Variants in CRB1 observed in about 807,000 individuals in gnomAD.
The protein encoded by CRB1 is crumbs cell polarity complex component 1.
CRB1 carries 83 observed loss-of-function variants against 120.0 expected under a neutral mutation model. The observed-to-expected ratio is 0.69, with a 90% CI of 0.58 to 0.83. CRB1 has a LOEUF of 0.83. Among genes scored for constraint, CRB1 ranks in the 40% least tolerant of loss-of-function variants. The probability of loss-of-function intolerance (pLI) is 0.00; values close to 1 mark genes in which losing one functional copy is unlikely to be tolerated. For synonymous variants in CRB1, 625 were observed against 612.5 expected, an observed-to-expected ratio of 1.02 and a Z score of -0.30; for missense variants, 1,699 against 1,687.6, an observed-to-expected ratio of 1.01 and a Z score of -0.12.
chr1:197,477,034 C>T (rs1667227177), intron 11 of CRB1, among the ~76,000 whole-genome samples: 1 of 152,210 alleles, frequency 6.6e-6, no homozygotes, highest in South Asian at 2.1e-4. Flanking sequence ...AGGGCTCTAC[C>T]TGCCGTTGTC....
intron 5 of CRB1, among the ~76,000 whole-genome samples, chr1:197,380,999 T>C (rs1332647690): frequency 6.6e-6 from 1 of 152,198 alleles, no homozygotes; most frequent in Non-Finnish European, 1.5e-5. Context: ...CCTCAGCTCT[T>C]CATATGTTTT....
intron 11 of CRB1, among the ~76,000 whole-genome samples, chr1:197,447,853 CAAAA>C (rs397861586): frequency 1.7e-5 from 1 of 60,008 alleles, no homozygotes; most frequent in Non-Finnish European, 3.5e-5. Context: ...GAACCTGTCT[CAAAA>C]AAAAAAAAAA....
chr1:197,215,167 C>T, the CRB1 span, among the ~76,000 whole-genome samples: 1 of 152,100 alleles, frequency 6.6e-6, no homozygotes, highest in African/African-American at 2.4e-5. Context: ...GAATGTACAT[C>T]AGCATAATAA....
the CRB1 span, chr1:197,222,769 T>TC: frequency 8.9e-7 from 1 of 1,128,352 alleles, no homozygotes; most frequent in African/African-American, 1.5e-5. Context: ...CTTTCTGAAC[T>TC]CCAAGTGCTA....
intron 8 of CRB1, among the ~76,000 whole-genome samples, chr1:197,433,251 G>A (rs1664962120): frequency 6.6e-6 from 1 of 152,030 alleles, no homozygotes; most frequent in Non-Finnish European, 1.5e-5. Flanking sequence ...GATAACTAAT[G>A]GAGCTTGACT....
chr1:197,245,496 A>T, the CRB1 span, among the ~76,000 whole-genome samples: 2 of 152,094 alleles, frequency 1.3e-5, no homozygotes, highest in African/African-American at 4.8e-5. Flanking sequence ...AGGCAAAGGT[A>T]GACCCCATCT....
chr1:197,395,141 TA>T (rs1662709022), intron 5 of CRB1, among the ~76,000 whole-genome samples: 2 of 152,236 alleles, frequency 1.3e-5, no homozygotes, highest in South Asian at 4.1e-4. Context: ...ATACAGCTGC[TA>T]ATGGATGTCT....
rs1665099907 is a variant in CRB1 at position 197,435,359 on chromosome 1, C to G, written c.3496C>G (p.Pro1166Ala). Reference sequence around the variant, plus strand: ...CTATAGCTCTTATCATTGCTCCTGTCCCTTGGGATGGTCAGGGAAACACTG... The same window carrying G: ...CTATAGCTCTTATCATTGCTCCTGTGCCTTGGGATGGTCAGGGAAACACTG... The part of the protein sequence containing the change: ...DIYSSYHCSC[P>A]LGWSGKHCEL... Residue 1166 changes from proline to alanine, a missense_variant, in exon 9 of 12, where the codon CCC becomes GCC. Physicochemically the swap from Pro to Ala is conservative, Grantham distance 27. Coordinates refer to ENST00000367400, the MANE Select transcript of CRB1 (RefSeq NM_201253.3). 2.5e-6 allele frequency: 4 copies of G among 1,612,968 alleles called. No individual in the cohort carries two copies. Among genetic ancestry groups the G allele is most frequent in the Non-Finnish European group, 3.4e-6 (4 of 1,179,336 alleles).
At chr1:197,308,949 T>C (rs1207267959) in intron 1 of CRB1, among the ~76,000 whole-genome samples, 1 of 151,202 alleles carries the variant, frequency 6.6e-6, no homozygotes, top group East Asian at 1.9e-4. Flanking sequence ...TGTGGGTATA[T>C]ACATATATGT....
Position 197,434,846 on chromosome 1 carries a change from G to C in CRB1, c.2983G>C (p.Glu995Gln), listed in dbSNP as rs62635655. 2 of 1,613,812 alleles carry C rather than the reference G, an allele frequency of 1.2e-6. No individual in the cohort carries two copies. Among genetic ancestry groups the C allele is most frequent in the South Asian group, 1.1e-5 (1 of 91,076 alleles). ...ANVIILHAEKEPEFLNISIQD... is the reference protein window; with the variant it reads ...ANVIILHAEKQPEFLNISIQD... Reference sequence around the variant, plus strand: ...TGTAATAATATTGCATGCAGAAAAAGAGCCTGAATTTCTTAATATTAGCAT... The same window carrying C: ...TGTAATAATATTGCATGCAGAAAAACAGCCTGAATTTCTTAATATTAGCAT... Residue 995 changes from glutamate to glutamine, a missense_variant, in exon 9 of 12, where the codon GAG becomes CAG. Coordinates refer to ENST00000367400, the MANE Select transcript of CRB1 (RefSeq NM_201253.3).
the CRB1 span, among the ~76,000 whole-genome samples, chr1:197,240,702 T>A: frequency 1.3e-5 from 2 of 152,202 alleles, no homozygotes; most frequent in African/African-American, 2.4e-5. Flanking sequence ...TATAGTAGAA[T>A]GATTTATAAT....
At chr1:197,359,297 C>T (rs1660652506) in intron 5 of CRB1, among the ~76,000 whole-genome samples, 1 of 151,896 alleles carries the variant, frequency 6.6e-6, no homozygotes, top group Non-Finnish European at 1.5e-5. Context: ...TTTGTCATTC[C>T]AAGAATGTTA....
In CRB1 at chr1:197,438,640, A is replaced by C. The variant is rs761010559; in HGVS notation, c.3843A>C (p.Leu1281Phe). 1.2e-6 allele frequency: 2 copies of C among 1,612,746 alleles called. No homozygotes were observed. The highest frequency in any genetic ancestry group is 1.1e-5 in the South Asian group (1 of 91,066). ...GGNCTEFQTE[L>F]KCMCRPGFTG... ...ACTGCACAGAGTTCCAGACTGAATT[A>C]AAATGTATGTGCCGGCCAGGTTTTA... is the stretch of plus-strand genomic sequence containing the variant. The change falls in exon 10 of 12, where the codon TTA (leucine) becomes TTC (phenylalanine). Residue 1281 changes from leucine to phenylalanine, a missense_variant. Coordinates refer to ENST00000367400, the MANE Select transcript of CRB1 (RefSeq NM_201253.3).
intron 1 of CRB1, among the ~76,000 whole-genome samples, chr1:197,300,293 G>T (rs1016973919): frequency 2.6e-5 from 4 of 152,042 alleles, no homozygotes; most frequent in African/African-American, 9.7e-5. Flanking sequence ...TAATCCTGTT[G>T]TGCCAAACAG....
chr1:197,247,954 A>T, the CRB1 span, among the ~76,000 whole-genome samples: 8 of 152,160 alleles, frequency 5.3e-5, no homozygotes, highest in African/African-American at 1.9e-4. Flanking sequence ...TAGATATAGT[A>T]TACTCTGATA....
intron 5 of CRB1, among the ~76,000 whole-genome samples, chr1:197,404,914 A>G (rs1430530250): frequency 6.6e-6 from 1 of 152,226 alleles, no homozygotes; most frequent in African/African-American, 2.4e-5. Flanking sequence ...TCAAAGTTTC[A>G]ATTTATTCAG....
intron 5 of CRB1, chr1:197,363,743 T>G: frequency 1.8e-6 from 1 of 550,642 alleles, no homozygotes; most frequent in South Asian, 2.1e-5. Flanking sequence ...GGTGCCTCCT[T>G]GCCATCCCTG....
At chr1:197,270,297 C>T (rs1477108465) in intron 1 of CRB1, among the ~76,000 whole-genome samples, 2 of 152,290 alleles carry the variant, frequency 1.3e-5, no homozygotes, top group East Asian at 3.9e-4. Flanking sequence ...TAGTAATTCA[C>T]ATTTTATAGA....
upstream of CRB1, among the ~76,000 whole-genome samples, chr1:197,266,355 A>G (rs1654632836): frequency 6.6e-6 from 1 of 152,070 alleles, no homozygotes. Flanking sequence ...TGCAAGGGGC[A>G]AATAAACTCC....
Sources: allele counts gnomAD v4.1 joint callset (sites outside exome capture counted in the v4.1 genomes callset), GRCh38; gene constraint gnomAD v4.1.1; transcripts MANE v1.5; gene names NCBI Gene and HGNC (gene_info 2026-07-23, HGNC 2026-07-21).